STXBP5: variants seen among roughly 807,000 people sequenced by gnomAD.
STXBP5 encodes the protein syntaxin-binding protein 5.
Under a neutral mutation model 152.4 loss-of-function variants are expected in STXBP5, and 50 were observed. The ratio of observed to expected loss-of-function variants is 0.33; its 90% CI spans 0.26 to 0.42. The LOEUF (loss-of-function observed/expected upper bound fraction) is 0.42. Among genes scored for constraint, STXBP5 ranks in the 10% least tolerant of loss-of-function variants. The pLI is 1.00. For synonymous variants in STXBP5, 492 were observed against 494.7 expected, an observed-to-expected ratio of 0.99 and a Z score of 0.07; for missense variants, 1,167 against 1,388.6, an observed-to-expected ratio of 0.84 and a Z score of 2.54.
chr6:147,242,711 A>G (rs1462488878), intron 4 of STXBP5, among the ~76,000 whole-genome samples: 1 of 152,170 alleles, frequency 6.6e-6, no homozygotes, highest in East Asian at 1.9e-4. Context: ...AGGCTGTACT[A>G]TACAGCCTAG....
At chr6:147,265,837 C>G (rs1779866733) in intron 6 of STXBP5, among the ~76,000 whole-genome samples, 1 of 151,892 alleles carries the variant, frequency 6.6e-6, no homozygotes, top group Admixed American at 6.6e-5. Context: ...CCCCGATATC[C>G]CGGTTTTACA....
chr6:147,248,876 T>C (rs1006592138), intron 4 of STXBP5, among the ~76,000 whole-genome samples: 2 of 152,200 alleles, frequency 1.3e-5, no homozygotes, highest in African/African-American at 2.4e-5. Flanking sequence ...GGATTTTTCC[T>C]GTCAAAAGGC....
intron 19 of STXBP5, among the ~76,000 whole-genome samples, chr6:147,335,766 A>G (rs1030174514): frequency 5.9e-5 from 9 of 152,080 alleles, no homozygotes; most frequent in African/African-American, 2.2e-4. Flanking sequence ...GCGCCACTGC[A>G]CTCCAGCCTG....
At chr6:147,348,039 AATTTT>A (rs1784418360) in intron 21 of STXBP5, among the ~76,000 whole-genome samples, 1 of 152,214 alleles carries the variant, frequency 6.6e-6, no homozygotes, top group African/African-American at 2.4e-5. Context: ...AACAGTTTAA[AATTTT>A]AGTTTAAATG....
At chr6:147,346,424 T>C (rs1290558109) in intron 21 of STXBP5, among the ~76,000 whole-genome samples, 1 of 152,064 alleles carries the variant, frequency 6.6e-6, no homozygotes, top group African/African-American at 2.4e-5. Flanking sequence ...AGCGAGTATA[T>C]TCCCCAGAAG....
intron 4 of STXBP5, among the ~76,000 whole-genome samples, chr6:147,241,430 G>A (rs1191683254): frequency 1.3e-5 from 2 of 152,122 alleles, no homozygotes; most frequent in East Asian, 1.9e-4. Context: ...AAACCAATAT[G>A]TGTCACCTGT....
intron 2 of STXBP5, among the ~76,000 whole-genome samples, chr6:147,217,322 A>G (rs1393139923): frequency 1.3e-5 from 2 of 152,226 alleles, no homozygotes; most frequent in South Asian, 2.1e-4. Flanking sequence ...CATACTTGAG[A>G]AAAGAACTTA....
rs561928733 is a variant in STXBP5, at chr6:147,242,921, T to C, written c.431+3651T>C. 3.9e-5 allele frequency among the ~76,000 whole-genome samples: 6 copies of C among 152,348 alleles called. No homozygotes were observed. The South Asian group carries it at 1.2e-3, about 32-fold the overall frequency. On this transcript the variant is annotated intron_variant, in intron 4 of 27. Coordinates refer to ENST00000321680, the MANE Select transcript of STXBP5 (RefSeq NM_001127715.4). ...AATATGCATTTAATGTTACTAGTCT[T>C]CTGGCTTGCTAAGTCATTTCTTTTT...
rs1786278169 is a variant in STXBP5, at chr6:147,385,119, T to C, written c.*364T>C. ...AGGGTTTGTGCCGTTTTATCTGCCA[T>C]CAGTGTTTGACCTGTTTAGGGCAGA... is the stretch of plus-strand genomic sequence containing the variant. On this transcript the variant is annotated 3_prime_UTR_variant, in exon 28 of 28. Coordinates refer to ENST00000321680, the MANE Select transcript of STXBP5 (RefSeq NM_001127715.4). 1 of 234,092 alleles carries C rather than the reference T, an allele frequency of 4.3e-6. No individual in the cohort carries two copies. Among genetic ancestry groups the C allele is most frequent in the South Asian group, 7.2e-5 (1 of 13,856 alleles). The allele number at this position is 234,092 out of a possible 1,614,324, so 14.5% of individuals were successfully genotyped here.
chr6:147,326,423 G>A (rs1475781903), intron 17 of STXBP5, among the ~76,000 whole-genome samples: 1 of 152,056 alleles, frequency 6.6e-6, no homozygotes, highest in African/African-American at 2.4e-5. Context: ...CTGATTATGT[G>A]GCCGTGTCCG....
At chr6:147,350,152 T>A (rs1433587452) in intron 21 of STXBP5, among the ~76,000 whole-genome samples, 1 of 152,190 alleles carries the variant, frequency 6.6e-6, no homozygotes, top group East Asian at 1.9e-4. Context: ...TCAATAAAAA[T>A]GTTGAAACTA....
intron 8 of STXBP5, among the ~76,000 whole-genome samples, chr6:147,288,827 G>A (rs1748429647): frequency 6.6e-6 from 1 of 152,170 alleles, no homozygotes; most frequent in Non-Finnish European, 1.5e-5. Context: ...TGGGCAACTT[G>A]GAAAACAAGT....
At chr6:147,345,625 CAT>C (rs1297858273) in intron 21 of STXBP5, among the ~76,000 whole-genome samples, 1 of 152,110 alleles carries the variant, frequency 6.6e-6, no homozygotes, top group African/African-American at 2.4e-5. Flanking sequence ...CTTCATCAGT[CAT>C]AGTTCTTTTT....
chr6:147,372,182 T>G (rs1275462446), intron 25 of STXBP5, among the ~76,000 whole-genome samples: 2 of 151,920 alleles, frequency 1.3e-5, no homozygotes, highest in South Asian at 4.1e-4. Context: ...TAAATAAAAC[T>G]GTTGTGTAAT....
intron 18 of STXBP5, among the ~76,000 whole-genome samples, chr6:147,329,225 A>G (rs953867824): frequency 3.4e-5 from 5 of 148,432 alleles, no homozygotes; most frequent in Non-Finnish European, 6.0e-5. Context: ...TAAAATTTAT[A>G]TTTTATTTAT....
intron 4 of STXBP5, among the ~76,000 whole-genome samples, chr6:147,257,930 T>C (rs569129681): frequency 6.6e-6 from 1 of 152,296 alleles, no homozygotes; most frequent in East Asian, 1.9e-4. Flanking sequence ...ACTGTAGTTA[T>C]CTGGCTGCAC....
chr6:147,263,904 C>T (rs1031566840), intron 6 of STXBP5, among the ~76,000 whole-genome samples: 2 of 151,898 alleles, frequency 1.3e-5, no homozygotes, highest in Non-Finnish European at 2.9e-5. Context: ...GAAATGTGTG[C>T]ATATCTCAGC....
At chr6:147,351,209 C>T (rs1784574699) in intron 21 of STXBP5, among the ~76,000 whole-genome samples, 1 of 152,140 alleles carries the variant, frequency 6.6e-6, no homozygotes, top group South Asian at 2.1e-4. Context: ...AGCCCTAGCC[C>T]CAGAGGACAG....
intron 19 of STXBP5, among the ~76,000 whole-genome samples, chr6:147,335,779 C>T (rs563188610): frequency 6.6e-6 from 1 of 150,790 alleles, no homozygotes; most frequent in African/African-American, 2.4e-5. Context: ...CCAGCCTGGG[C>T]GACAGCGAGA....
Sources: allele counts gnomAD v4.1 joint callset (sites outside exome capture counted in the v4.1 genomes callset), GRCh38; gene constraint gnomAD v4.1.1; transcripts MANE v1.5; gene names NCBI Gene and HGNC (gene_info 2026-07-23, HGNC 2026-07-21).